ICA1L: variants seen among roughly 807,000 people sequenced by gnomAD.
ICA1L encodes islet cell autoantigen 1 like, also known as islet cell autoantigen 1-like protein.
ICA1L carries 50 observed loss-of-function variants against 61.3 expected under a neutral mutation model. The observed-to-expected ratio is 0.82, with a 90% CI of 0.65 to 1.03. The LOEUF (loss-of-function observed/expected upper bound fraction) is 1.03. ICA1L is among the 50% of genes least tolerant of loss of function. The pLI, the probability that ICA1L is intolerant of heterozygous loss-of-function variation, is 0.00. For synonymous variants in ICA1L, 161 were observed against 191.3 expected, an observed-to-expected ratio of 0.84 and a Z score of 1.31; for missense variants, 508 against 556.7, an observed-to-expected ratio of 0.91 and a Z score of 0.88.
intron 1 of ICA1L, among the ~76,000 whole-genome samples, chr2:202,833,915 G>T (rs189161113): frequency 2.6e-4 from 40 of 152,252 alleles, no homozygotes; most frequent in African/African-American, 9.6e-4. Context: ...CCAGAGGCTG[G>T]GGGGAGGGGT....
At chr2:202,825,867 T>C in intron 2 of ICA1L, 100 bp from the exon 3 acceptor site, 1 of 646,580 alleles carries the variant, frequency 1.5e-6, no homozygotes, top group Admixed American at 3.7e-5. Flanking sequence ...GTATTATGTC[T>C]GTTTTAAAAA....
intron 1 of ICA1L, among the ~76,000 whole-genome samples, chr2:202,864,016 C>T (rs1687386540): frequency 6.6e-6 from 1 of 152,136 alleles, no homozygotes; most frequent in African/African-American, 2.4e-5. Context: ...TTATCTTATA[C>T]TCATTTTAAA....
chr2:202,818,377 T>G (rs1356862974), intron 5 of ICA1L, among the ~76,000 whole-genome samples: 1 of 152,116 alleles, frequency 6.6e-6, no homozygotes, highest in Non-Finnish European at 1.5e-5. Context: ...GACCTTATCA[T>G]GTTAGAACAA....
Position 202,776,180 on chromosome 2 carries a change from T to C in ICA1L, c.*3353A>G, listed in dbSNP as rs1470344752. On this transcript the variant is annotated 3_prime_UTR_variant, in exon 13 of 13. Coordinates refer to ENST00000358299, the MANE Select transcript of ICA1L (RefSeq NM_001288622.3). ...TTGAAATACAGTTTGTTTCTAATCA[T>C]ATCAAGGTTCTACAATTAATGAAGG... 6.6e-6 allele frequency: 1 copy of C among 152,166 alleles called. No homozygotes were observed. Among genetic ancestry groups the C allele is most frequent in the Non-Finnish European group, 1.5e-5 (1 of 68,024 alleles). The allele number at this position is 152,166 out of a possible 1,614,324, so 9.4% of individuals were successfully genotyped here. A position where few individuals can be genotyped will look rare whatever the true frequency, so the allele number is the denominator to read the frequency against.
At chr2:202,819,274 A>G (rs937733271) in intron 5 of ICA1L, among the ~76,000 whole-genome samples, 3 of 152,244 alleles carry the variant, frequency 2.0e-5, no homozygotes, top group African/African-American at 4.8e-5. Flanking sequence ...GTTACTTAGG[A>G]AGTCTGTGGC....
chr2:202,786,411 C>T (rs867095995), intron 11 of ICA1L, among the ~76,000 whole-genome samples: 4 of 151,770 alleles, frequency 2.6e-5, no homozygotes, highest in South Asian at 4.2e-4. Flanking sequence ...TAGCCGGGCG[C>T]GGTGGCGGGC....
chr2:202,819,511 A>G, intron 5 of ICA1L, 190 bp downstream of exon 5: 2 of 580,792 alleles, frequency 3.4e-6, no homozygotes, highest in Non-Finnish European at 6.1e-6. Context: ...GATGGTGTGA[A>G]GATGCCACTC....
chr2:202,809,977 T>G (rs964302000), intron 9 of ICA1L, among the ~76,000 whole-genome samples: 1 of 152,018 alleles, frequency 6.6e-6, no homozygotes. Flanking sequence ...GATACCACTA[T>G]CCAAGTACAG....
At chr2:202,851,733 G>C (rs538055949) in intron 1 of ICA1L, among the ~76,000 whole-genome samples, 1 of 152,284 alleles carries the variant, frequency 6.6e-6, no homozygotes, top group South Asian at 2.1e-4. Flanking sequence ...TCTCATGGTG[G>C]TTTTGATTTG....
At chr2:202,844,752 A>C (rs1694421637) in intron 1 of ICA1L, among the ~76,000 whole-genome samples, 1 of 152,234 alleles carries the variant, frequency 6.6e-6, no homozygotes, top group Non-Finnish European at 1.5e-5. Flanking sequence ...GTCAAGAATG[A>C]GAAAGATATA....
chr2:202,820,799 A>G (rs1693679442), intron 4 of ICA1L, among the ~76,000 whole-genome samples: 1 of 152,236 alleles, frequency 6.6e-6, no homozygotes, highest in Non-Finnish European at 1.5e-5. Context: ...TATAAACTGG[A>G]CACCATCATT....
intron 10 of ICA1L, among the ~76,000 whole-genome samples, chr2:202,791,891 G>C (rs777334706): frequency 1.2e-4 from 18 of 151,772 alleles, no homozygotes; most frequent in Non-Finnish European, 2.5e-4. Context: ...AAATATACCA[G>C]GCACGGTGGC....
intron 1 of ICA1L, chr2:202,841,260 T>G: frequency 5.5e-6 from 4 of 732,722 alleles, no homozygotes; most frequent in Middle Eastern, 3.8e-4. Context: ...GTTCTTGAAG[T>G]CTTCCACCAG....
intron 1 of ICA1L, among the ~76,000 whole-genome samples, chr2:202,842,866 T>C (rs1337776087): frequency 6.6e-6 from 1 of 152,192 alleles, no homozygotes; most frequent in Admixed American, 6.5e-5. Flanking sequence ...TGTTTTGAAA[T>C]AATCTGTCTT....
chr2:202,864,515 C>G (rs933233801), intron 1 of ICA1L, among the ~76,000 whole-genome samples: 10 of 151,978 alleles, frequency 6.6e-5, no homozygotes, highest in South Asian at 6.2e-4. Flanking sequence ...TTACAGGCGC[C>G]TACAGACCAA....
intron 7 of ICA1L, 75 bp from the exon 8 acceptor site, chr2:202,814,859 T>A: frequency 1.0e-6 from 1 of 995,022 alleles, no homozygotes; most frequent in Non-Finnish European, 1.6e-6. Context: ...AATGAGAATA[T>A]AAATTCTAAA....
intron 1 of ICA1L, chr2:202,840,984 T>A (rs762757698): frequency 4.4e-6 from 3 of 678,834 alleles, no homozygotes; most frequent in Non-Finnish European, 8.4e-6. Flanking sequence ...CTCCTCATAC[T>A]GCGCCTTGAC....
chr2:202,824,992 A>G (rs1693797146), intron 3 of ICA1L, among the ~76,000 whole-genome samples: 1 of 152,192 alleles, frequency 6.6e-6, no homozygotes, highest in Non-Finnish European at 1.5e-5. Context: ...TGGTGGAGTG[A>G]TGGGGATGAA....
intron 1 of ICA1L, chr2:202,840,615 T>C (rs538304787): frequency 3.5e-6 from 2 of 575,582 alleles, no homozygotes; most frequent in East Asian, 4.4e-5. Context: ...TTCCTGTAGA[T>C]GGTGATCTTG....
Sources: gnomAD v4.1 joint callset for allele counts (sites outside exome capture counted in the v4.1 genomes callset) on GRCh38, gnomAD v4.1.1 for gene constraint, MANE v1.5 for transcripts, NCBI Gene and HGNC (gene_info 2026-07-23, HGNC 2026-07-21) for gene names.